Variants in CFAP92 observed in about 807,000 individuals in gnomAD.
CFAP92 encodes cilia and flagella associated protein 92 (putative).
CFAP92 carries 86 observed loss-of-function variants against 106.3 expected under a neutral mutation model. The observed-to-expected ratio is 0.81, with a 90% CI of 0.68 to 0.97. CFAP92 has a LOEUF of 0.97. CFAP92 is among the 50% of genes least tolerant of loss of function. The pLI is 0.00. For synonymous variants in CFAP92, 477 were observed against 506.4 expected (o/e 0.94, Z 0.78); for missense variants, 1,204 against 1,283.8 (o/e 0.94, Z 0.95).
At chr3:129,009,088 G>A in the CFAP92 span, among the ~76,000 whole-genome samples, 1 of 152,152 alleles carries the variant, frequency 6.6e-6, no homozygotes, top group Non-Finnish European at 1.5e-5. Context: ...TTCATAAAAT[G>A]TCATTCAATC....
chr3:128,940,913 G>C (rs1198915552), intron 10 of CFAP92, among the ~76,000 whole-genome samples: 2 of 152,122 alleles, frequency 1.3e-5, no homozygotes, highest in African/African-American at 4.8e-5. Context: ...TTAACATGCG[G>C]AAGTTTAAAA....
the CFAP92 span, among the ~76,000 whole-genome samples, chr3:129,008,715 A>G: frequency 1.3e-5 from 2 of 152,190 alleles, no homozygotes; most frequent in African/African-American, 2.4e-5. Context: ...TAGGAGTTGC[A>G]GGTGAAATAG....
At chr3:128,944,218 C>G (rs928743861) in intron 10 of CFAP92, among the ~76,000 whole-genome samples, 2 of 152,194 alleles carry the variant, frequency 1.3e-5, no homozygotes, top group African/African-American at 4.8e-5. Context: ...CAGGCGTGAG[C>G]TACTGCACCT....
intron 2 of CFAP92, among the ~76,000 whole-genome samples, chr3:128,992,579 ATTT>A (rs113974781): frequency 2.1e-5 from 3 of 146,330 alleles, no homozygotes; most frequent in African/African-American, 5.1e-5. Flanking sequence ...AAGAATTATT[ATTT>A]TTTTTTTTTT....
At chr3:128,918,422 G>A (rs774140853) in intron 12 of CFAP92, among the ~76,000 whole-genome samples, 14 of 152,184 alleles carry the variant, frequency 9.2e-5, no homozygotes, top group African/African-American at 2.2e-4. Context: ...GCATTGAGCC[G>A]AGATCATGCC....
chr3:128,911,035 ATGTGTG>A lies in CFAP92; in HGVS notation c.3281-708_3281-703del, dbSNP rs375679286. Among the ~76,000 whole-genome samples the A allele has an allele frequency of 4.1e-3, 617 of 152,086 alleles. 1 individual carries two copies. The highest frequency in any genetic ancestry group is 6.8e-3 in the Middle Eastern group (2 of 294). The stretch of plus-strand genomic sequence containing the variant: ...TTCACCAAGGCAGTTGTATGTATAT[ATGTGTG>A]TGTGTGTATGTATGTATGTATGTAT... On this transcript the variant is annotated intron_variant, in intron 15 of 15. Coordinates refer to ENST00000645291, the MANE Select transcript of CFAP92 (RefSeq NM_001394090.1).
intron 15 of CFAP92, among the ~76,000 whole-genome samples, chr3:128,911,442 C>T (rs551027358): frequency 1.3e-5 from 2 of 151,672 alleles, no homozygotes; most frequent in South Asian, 2.1e-4. Context: ...GCTGTATTCT[C>T]TTTTTTTTGG....
chr3:129,019,764 C>CTTTTTT, the CFAP92 span, among the ~76,000 whole-genome samples: 15 of 107,430 alleles, frequency 1.4e-4, no homozygotes, highest in East Asian at 3.0e-4. Context: ...ATTAAATTTA[C>CTTTTTT]TTTTTTTTTT....
chr3:128,917,122 G>T (rs1936881535), intron 12 of CFAP92, among the ~76,000 whole-genome samples: 1 of 152,158 alleles, frequency 6.6e-6, no homozygotes, highest in Non-Finnish European at 1.5e-5. Context: ...CAAGGTAAAG[G>T]CAAGTCTAGG....
At chr3:128,930,743 T>C (rs73210619) in intron 12 of CFAP92, among the ~76,000 whole-genome samples, 3,001 of 152,202 alleles carry the variant, frequency 0.02, 43 homozygotes, top group Non-Finnish European at 0.028. Flanking sequence ...AGAGCAAGAC[T>C]GTCTCAAAAA....
intron 9 of CFAP92, among the ~76,000 whole-genome samples, chr3:128,952,762 C>G (rs144848337): frequency 3.2e-4 from 49 of 152,162 alleles, no homozygotes; most frequent in African/African-American, 1.2e-3. Flanking sequence ...GCCTGGGTGA[C>G]AGAGCAAGAC....
At chr3:128,964,903 T>G (rs1386017264) in intron 9 of CFAP92, among the ~76,000 whole-genome samples, 1 of 152,080 alleles carries the variant, frequency 6.6e-6, no homozygotes, top group Admixed American at 6.6e-5. Context: ...TTTTTGCCGC[T>G]CCAACACTTC....
At chr3:128,941,384 C>T (rs1939608764) in intron 10 of CFAP92, among the ~76,000 whole-genome samples, 1 of 152,070 alleles carries the variant, frequency 6.6e-6, no homozygotes, top group Non-Finnish European at 1.5e-5. Context: ...AGTTATGTCT[C>T]AATAATTTTC....
At chr3:128,943,834 G>A (rs1018571067) in intron 10 of CFAP92, among the ~76,000 whole-genome samples, 13 of 151,220 alleles carry the variant, frequency 8.6e-5, no homozygotes, top group Non-Finnish European at 1.5e-4. Flanking sequence ...ACCGTGCCTG[G>A]CTTTCATTTC....
upstream of CFAP92, among the ~76,000 whole-genome samples, chr3:128,998,807 C>T (rs946120820): frequency 6.6e-5 from 10 of 152,154 alleles, no homozygotes; most frequent in East Asian, 1.9e-4. Context: ...ATCCCAATGG[C>T]GCCCTTTCCA....
At chr3:129,016,226 G>T in the CFAP92 span, among the ~76,000 whole-genome samples, 2 of 152,138 alleles carry the variant, frequency 1.3e-5, no homozygotes, top group African/African-American at 4.8e-5. Flanking sequence ...TTCTGCATAT[G>T]GATTAAAGTC....
chr3:128,981,219 G>A (rs1246671374), intron 4 of CFAP92, among the ~76,000 whole-genome samples: 1 of 150,774 alleles, frequency 6.6e-6, no homozygotes, highest in Non-Finnish European at 1.5e-5. Context: ...TGTATTTTGA[G>A]TAGAGACAGG....
chr3:128,992,939 G>T, intron 2 of CFAP92, 104 bp downstream of exon 2: 1 of 1,377,978 alleles, frequency 7.3e-7, no homozygotes, highest in Non-Finnish European at 1.0e-6. Flanking sequence ...CTTTGGGGTG[G>T]GGCAGGTGGA....
At chr3:129,015,237 C>T in the CFAP92 span, among the ~76,000 whole-genome samples, 11 of 152,262 alleles carry the variant, frequency 7.2e-5, no homozygotes, top group East Asian at 1.4e-3. Context: ...GCATACGGCT[C>T]CCTCCACCAT....
Sources: allele counts gnomAD v4.1 joint callset (sites outside exome capture counted in the v4.1 genomes callset), GRCh38; gene constraint gnomAD v4.1.1; transcripts MANE v1.5; gene names NCBI Gene and HGNC (gene_info 2026-07-23, HGNC 2026-07-21).